Variants in HIBCH observed in about 807,000 individuals in gnomAD.
HIBCH encodes 3-hydroxyisobutyryl-CoA hydrolase.
HIBCH carries 50 observed loss-of-function variants against 58.2 expected under a neutral mutation model. The ratio of observed to expected loss-of-function variants is 0.86; its 90% CI spans 0.68 to 1.09. HIBCH has a LOEUF of 1.09. Ranked by LOEUF, HIBCH falls within the 50% of genes least tolerant of loss-of-function variation. The probability of loss-of-function intolerance (pLI) is 0.00; values close to 1 mark genes in which losing one functional copy is unlikely to be tolerated. For synonymous variants in HIBCH, 151 were observed against 146.9 expected (o/e 1.03, Z -0.20); for missense variants, 450 against 449.7 (o/e 1.00, Z -0.01).
chr2:190,310,874 T>G (rs558379955), intron 1 of HIBCH, 78 bp from the exon 2 acceptor site: 53 of 1,008,376 alleles, frequency 5.3e-5, no homozygotes, highest in Admixed American at 8.7e-5. Context: ...TATCACCTTT[T>G]GTTTCAGCCT....
rs1688685328 is a variant in HIBCH, at chr2:190,315,226, C to T, written c.36-4430G>A. The stretch of plus-strand genomic sequence containing the variant: ...TCAGCCTCCCAAAGTGCTGAAATTA[C>T]AGGCATGAGCCACTGTGCCCGGCCT... On this transcript the variant is annotated intron_variant, in intron 1 of 13. Coordinates refer to ENST00000359678, the MANE Select transcript of HIBCH (RefSeq NM_014362.4). This position sits in a 1 kb window ranked among gnomAD's most constrained non-coding sequence, Gnocchi z 5.4. Among the ~76,000 whole-genome samples the T allele has an allele frequency of 6.6e-6, 1 of 152,194 alleles. No individual in the cohort carries two copies. Among genetic ancestry groups the T allele is most frequent in the Non-Finnish European group, 1.5e-5 (1 of 68,022 alleles).
At chr2:190,240,457 A>AT (rs1432560932) in intron 11 of HIBCH, among the ~76,000 whole-genome samples, 1 of 151,646 alleles carries the variant, frequency 6.6e-6, no homozygotes, top group Non-Finnish European at 1.5e-5. Context: ...GGATTCACTG[A>AT]TTTTTTTGAA....
intron 6 of HIBCH, among the ~76,000 whole-genome samples, chr2:190,264,589 T>C (rs760072453): frequency 6.6e-6 from 1 of 152,234 alleles, no homozygotes; most frequent in Admixed American, 6.5e-5. Context: ...GTCAACATTA[T>C]GTTTGTGAGA....
At chr2:190,276,623 G>A (rs1285158910) in intron 6 of HIBCH, among the ~76,000 whole-genome samples, 1 of 152,066 alleles carries the variant, frequency 6.6e-6, no homozygotes, top group Non-Finnish European at 1.5e-5. Context: ...TCCCTCTCTC[G>A]CTATGTGATA....
chr2:190,225,810 A>C (rs1685874899), intron 11 of HIBCH, among the ~76,000 whole-genome samples: 1 of 152,202 alleles, frequency 6.6e-6, no homozygotes, highest in Non-Finnish European at 1.5e-5. Flanking sequence ...TGGTAGAGAC[A>C]CCACAAAAAA....
intron 2 of HIBCH, among the ~76,000 whole-genome samples, chr2:190,305,033 A>C (rs750508527): frequency 2.4e-4 from 37 of 152,166 alleles, no homozygotes; most frequent in Non-Finnish European, 5.0e-4. Context: ...AGTCTCTAAA[A>C]CTTTTTCAAT....
rs73053751 is a variant in HIBCH, at chr2:190,210,932, C to T, written c.1012-2019G>A. On this transcript the variant is annotated intron_variant, in intron 12 of 13. Coordinates refer to ENST00000359678, the MANE Select transcript of HIBCH (RefSeq NM_014362.4). This position sits in a 1 kb window ranked among gnomAD's most constrained non-coding sequence, Gnocchi z 5.5. The stretch of plus-strand genomic sequence containing the variant: ...CCCCCTGTTACTCTATATCACATAT[C>T]CTGCTTCCTTTTTCTTGTTAATATT... Among the ~76,000 whole-genome samples the T allele has an allele frequency of 3.9e-5, 6 of 152,258 alleles. No homozygotes were observed. The highest frequency in any genetic ancestry group is 1.2e-4 in the African/African-American group (5 of 41,538).
At chr2:190,308,603 C>T (rs1285835275) in intron 2 of HIBCH, among the ~76,000 whole-genome samples, 2 of 152,132 alleles carry the variant, frequency 1.3e-5, no homozygotes, top group Admixed American at 6.5e-5. Flanking sequence ...TGTCCTATAC[C>T]GCCTTAGGAC....
At chr2:190,265,122 C>CAAAAAAAAAAAAAA (rs1167140474) in intron 6 of HIBCH, among the ~76,000 whole-genome samples, 2 of 56,286 alleles carry the variant, frequency 3.6e-5, no homozygotes, top group East Asian at 3.6e-4. Context: ...GACTCCGTCT[C>CAAAAAAAAAAAAAA]AAAAAAAAAA....
chr2:190,247,640 C>T (rs905745108), intron 9 of HIBCH, among the ~76,000 whole-genome samples: 2 of 152,040 alleles, frequency 1.3e-5, no homozygotes, highest in African/African-American at 4.8e-5. Flanking sequence ...ATTTAATTAT[C>T]CTTTTCTGTT....
chr2:190,263,741 C>T (rs1385009376), intron 6 of HIBCH, among the ~76,000 whole-genome samples: 1 of 152,192 alleles, frequency 6.6e-6, no homozygotes, highest in African/African-American at 2.4e-5. Context: ...TCTCAGTAAA[C>T]AGCATCACAA....
Position 190,290,453 on chromosome 2 carries a change from T to G in HIBCH, c.337A>C (p.Ile113Leu). The G allele has an allele frequency of 6.2e-7, 1 of 1,612,228 alleles. No homozygotes were observed. ...ISEAEKAKQK[I>L]APVFFREEYM... The stretch of plus-strand genomic sequence containing the variant: ...TCTTCTCTGAAGAAAACTGGAGCTA[T>G]CTTCTGTTTTGCCTTTTCAGCTTCC... Residue 113 changes from isoleucine to leucine, a missense_variant, in exon 5 of 14, where the codon ATA becomes CTA. Coordinates refer to ENST00000359678, the MANE Select transcript of HIBCH (RefSeq NM_014362.4).
rs1011061354 is a variant in HIBCH at position 190,203,986 on chromosome 2, TGTTA to T, written c.*1127_*1130del. ...CAAACAAAAAATTATAAATTTTGTT[TGTTA>T]ATTTATAAACTTACCTTTAAAATTA... is the stretch of plus-strand genomic sequence containing the variant. On this transcript the variant is annotated 3_prime_UTR_variant, in exon 14 of 14. Coordinates refer to ENST00000359678, the MANE Select transcript of HIBCH (RefSeq NM_014362.4). 3.3e-5 allele frequency: 5 copies of T among 152,110 alleles called. No homozygotes were observed. The highest frequency in any genetic ancestry group is 2.1e-4 in the South Asian group (1 of 4,822). The allele number at this position is 152,110 out of a possible 1,614,324, so 9.4% of individuals were successfully genotyped here. A position where few individuals can be genotyped will look rare whatever the true frequency, so the allele number is the denominator to read the frequency against.
At chr2:190,252,380 G>A in intron 7 of HIBCH, 73 bp from the exon 8 acceptor site, 1 of 1,284,086 alleles carries the variant, frequency 7.8e-7, no homozygotes, top group Non-Finnish European at 1.1e-6. Context: ...TTTTGCCGTA[G>A]ATCACACAAA....
chr2:190,225,447 G>A (rs183082999), intron 11 of HIBCH, among the ~76,000 whole-genome samples: 29 of 152,162 alleles, frequency 1.9e-4, no homozygotes, highest in East Asian at 5.8e-4. Flanking sequence ...TATCACCACC[G>A]ATCCCACAGA....
rs184752107 is a variant in HIBCH at position 190,206,673 on chromosome 2, A to C, written c.1046-1441T>G. On this transcript the variant is annotated intron_variant, in intron 13 of 13. Coordinates refer to ENST00000359678, the MANE Select transcript of HIBCH (RefSeq NM_014362.4). This position sits in a 1 kb window ranked among gnomAD's most constrained non-coding sequence, Gnocchi z 5.1. Reference sequence around the variant, plus strand: ...CTAGATGTTAACAGTAAGAATTTTTAACAACTGTTAAATTTGCTAACTTAC... The same window carrying C: ...CTAGATGTTAACAGTAAGAATTTTTCACAACTGTTAAATTTGCTAACTTAC... Among the ~76,000 whole-genome samples the C allele has an allele frequency of 6.2e-3, 951 of 152,296 alleles. 8 individuals carry two copies. The highest frequency in any genetic ancestry group is 0.022 in the African/African-American group (903 of 41,552).
intron 2 of HIBCH, among the ~76,000 whole-genome samples, chr2:190,302,454 G>C (rs1385632640): frequency 6.6e-6 from 1 of 152,180 alleles, no homozygotes; most frequent in African/African-American, 2.4e-5. Flanking sequence ...GGCCCACTGT[G>C]TGCAGCCTCC....
chr2:190,220,229 A>G (rs912122123), intron 11 of HIBCH: 4 of 152,212 alleles, frequency 2.6e-5, no homozygotes, highest in Non-Finnish European at 5.9e-5. Flanking sequence ...TTTCCTTTAT[A>G]ATCACAACAG....
Position 190,304,982 on chromosome 2 carries a change from CT to C in HIBCH, c.78+5771del, listed in dbSNP as rs1294351978. On this transcript the variant is annotated intron_variant, in intron 2 of 13. Coordinates refer to ENST00000359678, the MANE Select transcript of HIBCH (RefSeq NM_014362.4). The surrounding 1 kb of genome is among the most constrained non-coding windows in gnomAD (Gnocchi z 4.1). The stretch of plus-strand genomic sequence containing the variant: ...GGGTTCTAGCCTTAAGTCTCTCTAA[CT>C]GTGTGGTCTTGTGTAATCTTTATTC... Among the ~76,000 whole-genome samples the C allele has an allele frequency of 4.1e-4, 6 of 14,554 alleles. No individual in the cohort carries two copies. The highest frequency in any genetic ancestry group is 1.4e-3 in the Non-Finnish European group (6 of 4,434). The allele number at this position is 14,554 out of a possible 152,430, so 9.5% of individuals were successfully genotyped here.
Sources: allele counts gnomAD v4.1 joint callset (sites outside exome capture counted in the v4.1 genomes callset), GRCh38; gene constraint gnomAD v4.1.1; non-coding constraint Gnocchi (gnomAD v3.1); transcripts MANE v1.5; gene names NCBI Gene and HGNC (gene_info 2026-07-23, HGNC 2026-07-21).